SLC39A9: variants seen among roughly 807,000 people sequenced by gnomAD.
SLC39A9 encodes the protein zinc transporter ZIP9.
In SLC39A9, 14 loss-of-function variants were observed where a neutral mutation model predicts 28.4. The ratio of observed to expected loss-of-function variants is 0.49; its 90% CI spans 0.33 to 0.77. SLC39A9 has a LOEUF of 0.77. Among genes scored for constraint, SLC39A9 ranks in the 30% least tolerant of loss-of-function variants. The pLI is 0.02. For missense variants in SLC39A9, 283 were observed against 381.1 expected (o/e 0.74, Z 2.14); for synonymous variants, 119 against 149.6 (o/e 0.80, Z 1.49).
chr14:69,405,455 A>G (rs1281757081), intron 1 of SLC39A9, among the ~76,000 whole-genome samples: 1 of 152,188 alleles, frequency 6.6e-6, no homozygotes, highest in African/African-American at 2.4e-5. Flanking sequence ...TTTCATTTGT[A>G]AATTCTAAGA....
intron 6 of SLC39A9, among the ~76,000 whole-genome samples, chr14:69,457,453 G>A (rs1490387432): frequency 1.3e-5 from 2 of 151,606 alleles, no homozygotes; most frequent in African/African-American, 4.9e-5. Flanking sequence ...CGCCCACCTT[G>A]GCCTCCCAAA....
chr14:69,414,273 C>G (rs779722500), intron 1 of SLC39A9, among the ~76,000 whole-genome samples: 13 of 152,142 alleles, frequency 8.5e-5, no homozygotes, highest in Non-Finnish European at 1.6e-4. Context: ...GTCTCGAACT[C>G]TTTTCCTGCT....
intron 3 of SLC39A9, among the ~76,000 whole-genome samples, chr14:69,444,582 GGA>G: frequency 6.6e-6 from 1 of 152,152 alleles, no homozygotes. Context: ...CAATGCCCAT[GGA>G]GAGGAATTTG....
intron 1 of SLC39A9, among the ~76,000 whole-genome samples, chr14:69,420,637 A>G (rs1399084680): frequency 1.3e-5 from 2 of 152,204 alleles, no homozygotes; most frequent in African/African-American, 2.4e-5. Context: ...AGGTACACCA[A>G]TCAAACGTAG....
intron 1 of SLC39A9, among the ~76,000 whole-genome samples, chr14:69,411,903 CT>C: frequency 6.6e-6 from 1 of 151,382 alleles, no homozygotes; most frequent in Non-Finnish European, 1.5e-5. Context: ...CTGCCTCAGC[CT>C]CCCGAGTAGC....
At chr14:69,423,750 T>C (rs1884024690) in intron 1 of SLC39A9, among the ~76,000 whole-genome samples, 1 of 151,886 alleles carries the variant, frequency 6.6e-6, no homozygotes, top group African/African-American at 2.4e-5. Context: ...ATACAAAAAT[T>C]AGCCAGATGT....
chr14:69,403,564 T>C (rs1449477903), intron 1 of SLC39A9, among the ~76,000 whole-genome samples: 1 of 152,034 alleles, frequency 6.6e-6, no homozygotes, highest in East Asian at 1.9e-4. Context: ...AGTAGGAAAA[T>C]GAAGTGAAAA....
intron 2 of SLC39A9, among the ~76,000 whole-genome samples, chr14:69,435,215 G>A (rs1884682648): frequency 6.6e-6 from 1 of 152,252 alleles, no homozygotes; most frequent in African/African-American, 2.4e-5. Context: ...CTTTATGTAT[G>A]TTGAAGCTCT....
At chr14:69,414,647 T>A (rs1216012072) in intron 1 of SLC39A9, among the ~76,000 whole-genome samples, 2 of 152,218 alleles carry the variant, frequency 1.3e-5, no homozygotes, top group Non-Finnish European at 2.9e-5. Context: ...AAATAGATAA[T>A]TTTATAGAAT....
chr14:69,418,446 C>T (rs747557962), intron 1 of SLC39A9, among the ~76,000 whole-genome samples: 11 of 151,654 alleles, frequency 7.3e-5, no homozygotes, highest in South Asian at 2.1e-4. Context: ...TTGTTGTTGT[C>T]GTGTCTCTGC....
Position 69,454,826 on chromosome 14 carries a change from T to A in SLC39A9, c.487T>A (p.Leu163Met). ...VVHAAADGVALGAAASTSQTS... is the reference protein window; with the variant it reads ...VVHAAADGVAMGAAASTSQTS... Reference sequence around the variant, plus strand: ...TCCAAATATAGCTGATGGTGTTGCTTTGGGAGCAGCAGCATCTACTTCACA... The same window carrying A: ...TCCAAATATAGCTGATGGTGTTGCTATGGGAGCAGCAGCATCTACTTCACA... Residue 163 changes from leucine to methionine, a missense_variant, in exon 5 of 7, where the codon TTG (leucine) becomes ATG (methionine). Transcript: ENST00000336643. The A allele has an allele frequency of 6.2e-7, 1 of 1,613,968 alleles. No individual in the cohort carries two copies. Among genetic ancestry groups the A allele is most frequent in the Admixed American group, 1.7e-5 (1 of 60,014 alleles).
At chr14:69,456,286 A>G (rs1030673068) in intron 6 of SLC39A9, among the ~76,000 whole-genome samples, 1 of 152,250 alleles carries the variant, frequency 6.6e-6, no homozygotes, top group Non-Finnish European at 1.5e-5. Flanking sequence ...TGCTGTCAAG[A>G]GTTTAAAAAA....
intron 3 of SLC39A9, among the ~76,000 whole-genome samples, chr14:69,448,463 G>A (rs1183174933): frequency 2.0e-5 from 3 of 152,030 alleles, no homozygotes; most frequent in African/African-American, 7.2e-5. Flanking sequence ...TGTGATACCC[G>A]GAGAAGCATC....
In SLC39A9 at chr14:69,440,428, A is replaced by G. The variant is rs137983251; in HGVS notation, c.206-1641A>G. Among the ~76,000 whole-genome samples the G allele has an allele frequency of 1.5e-3, 222 of 152,194 alleles. 7 individuals carry two copies. In the East Asian group the frequency reaches 0.037, roughly 25 times the overall value. On this transcript the variant is annotated intron_variant, in intron 2 of 6. Coordinates refer to ENST00000336643, the MANE Select transcript of SLC39A9 (RefSeq NM_018375.5). ...GCAAAACTACATCTCCACAAAAACA[A>G]TATAAAAATTAGCAGGACTTGGTAG...
intron 3 of SLC39A9, among the ~76,000 whole-genome samples, chr14:69,445,209 A>G (rs1359372159): frequency 1.3e-5 from 2 of 152,140 alleles, no homozygotes; most frequent in African/African-American, 4.8e-5. Flanking sequence ...AATAAAAGTT[A>G]CACTGAGTGT....
intron 6 of SLC39A9, among the ~76,000 whole-genome samples, chr14:69,457,963 A>G (rs1383660702): frequency 6.6e-6 from 1 of 152,238 alleles, no homozygotes; most frequent in Admixed American, 6.5e-5. Flanking sequence ...ATAGTTTAAT[A>G]ATAGTGTGTG....
chr14:69,435,290 G>T (rs1029047119), intron 2 of SLC39A9, among the ~76,000 whole-genome samples: 4 of 152,126 alleles, frequency 2.6e-5, no homozygotes, highest in African/African-American at 9.7e-5. Context: ...TAATCATTGT[G>T]CAATATCCCT....
intron 3 of SLC39A9, among the ~76,000 whole-genome samples, chr14:69,444,780 A>G (rs542713823): frequency 1.2e-4 from 18 of 152,326 alleles, no homozygotes; most frequent in African/African-American, 4.3e-4. Flanking sequence ...GTATGTACAC[A>G]TAATGGAGTA....
chr14:69,418,872 T>C (rs951053303), intron 1 of SLC39A9, among the ~76,000 whole-genome samples: 10 of 152,362 alleles, frequency 6.6e-5, no homozygotes, highest in Middle Eastern at 3.4e-3. Flanking sequence ...TATCATTTTT[T>C]ATTGCATCTA....
Sources: gnomAD v4.1 joint callset for allele counts (sites outside exome capture counted in the v4.1 genomes callset) on GRCh38, gnomAD v4.1.1 for gene constraint, MANE v1.5 for transcripts, NCBI Gene and HGNC (gene_info 2026-07-23, HGNC 2026-07-21) for gene names.